Variants in CNTNAP2 observed in about 807,000 individuals in gnomAD.
CNTNAP2 encodes contactin-associated protein-like 2.
A neutral mutation model predicts 155.2 loss-of-function variants in CNTNAP2; 98 were observed. That is an observed-to-expected ratio of 0.63 (90% CI 0.54 to 0.75). The LOEUF is 0.75. CNTNAP2 is among the 30% of genes least tolerant of loss of function. The pLI, the probability that CNTNAP2 is intolerant of heterozygous loss-of-function variation, is 0.00. For synonymous variants in CNTNAP2, 651 were observed against 631.2 expected (o/e 1.03, Z -0.47); for missense variants, 1,727 against 1,688.1 (o/e 1.02, Z -0.40).
chr7:147,891,309 A>G (rs1799689925), intron 13 of CNTNAP2, among the ~76,000 whole-genome samples: 1 of 151,728 alleles, frequency 6.6e-6, no homozygotes, highest in African/African-American at 2.4e-5. Flanking sequence ...GGTTCAAGCG[A>G]TTCTCCTTCC....
At chr7:146,638,476 C>CTTTCT (rs1383622498) in intron 1 of CNTNAP2, among the ~76,000 whole-genome samples, 1,257 of 64,358 alleles carry the variant, frequency 0.02, 58 homozygotes, top group African/African-American at 0.038. Flanking sequence ...TCAGGTGTTT[C>CTTTCT]TTTTTTTTTT....
intron 13 of CNTNAP2, among the ~76,000 whole-genome samples, chr7:147,744,345 C>A (rs112623481): frequency 0.031 from 4,791 of 152,216 alleles, 239 homozygotes; most frequent in African/African-American, 0.11. Context: ...TAAATATCAA[C>A]TTTTCAATTG....
chr7:146,648,935 G>A (rs939525075), intron 1 of CNTNAP2, among the ~76,000 whole-genome samples: 4 of 152,052 alleles, frequency 2.6e-5, no homozygotes, highest in African/African-American at 9.7e-5. Context: ...AAATCTAATT[G>A]TTGGCGGACA....
At chr7:147,136,884 A>G (rs2129286286) in intron 8 of CNTNAP2, among the ~76,000 whole-genome samples, 1 of 152,010 alleles carries the variant, frequency 6.6e-6, no homozygotes, top group Non-Finnish European at 1.5e-5. Flanking sequence ...AATGTCTTAA[A>G]TTCTTGTAAC....
At chr7:147,127,591 G>A (rs1373352856) in intron 6 of CNTNAP2, among the ~76,000 whole-genome samples, 1 of 152,020 alleles carries the variant, frequency 6.6e-6, no homozygotes, top group African/African-American at 2.4e-5. Flanking sequence ...CATCAAACAT[G>A]CTCTGGAAAA....
chr7:146,383,553 A>G (rs1282149173), intron 1 of CNTNAP2, among the ~76,000 whole-genome samples: 1 of 152,308 alleles, frequency 6.6e-6, no homozygotes, highest in South Asian at 2.1e-4. Context: ...GTAGGATATA[A>G]TTTAATATAG....
intron 1 of CNTNAP2, among the ~76,000 whole-genome samples, chr7:146,374,173 T>C (rs1348029453): frequency 4.6e-5 from 7 of 151,998 alleles, no homozygotes; most frequent in South Asian, 2.1e-4. Flanking sequence ...TTTAAAGTTG[T>C]ATATGTGATT....
Position 147,670,649 on chromosome 7 carries a change from C to T in CNTNAP2, c.2098+31343C>T, listed in dbSNP as rs149140118. 9.8e-3 allele frequency among the ~76,000 whole-genome samples: 1,488 copies of T among 152,290 alleles called. 32 individuals are homozygous for T. Among genetic ancestry groups the T allele is most frequent in the African/African-American group, 0.034 (1,421 of 41,562 alleles). The stretch of plus-strand genomic sequence containing the variant: ...AAGAATCTGGCCAGAGATGGCCAGA[C>T]GTCAGGGGAAGATTACCTTCCCATT... On this transcript the variant is annotated intron_variant, in intron 13 of 23. Coordinates refer to ENST00000361727, the MANE Select transcript of CNTNAP2 (RefSeq NM_014141.6).
Position 147,108,133 on chromosome 7 carries a change from T to TG in CNTNAP2, c.551-14_551-13insG. On this transcript the variant is annotated splice_polypyrimidine_tract_variant and intron_variant, in intron 4 of 23. Transcript: ENST00000361727. The stretch of plus-strand genomic sequence containing the variant: ...CATGGCTGAACTAATATGTTATTTT[T>TG]TTTTTTGTTTTAGGGGCTGATGTTA... 6.3e-7 allele frequency: 1 copy of TG among 1,581,772 alleles called. No homozygotes were observed. Among genetic ancestry groups the TG allele is most frequent in the Non-Finnish European group, 8.6e-7 (1 of 1,166,818 alleles).
At chr7:146,531,748 T>A (rs972581679) in intron 1 of CNTNAP2, among the ~76,000 whole-genome samples, 1 of 152,118 alleles carries the variant, frequency 6.6e-6, no homozygotes, top group Non-Finnish European at 1.5e-5. Flanking sequence ...TTTCACCATG[T>A]TGGCCAGGCT....
At chr7:146,745,594 C>G (rs935908858) in intron 1 of CNTNAP2, among the ~76,000 whole-genome samples, 2 of 151,868 alleles carry the variant, frequency 1.3e-5, no homozygotes, top group African/African-American at 4.8e-5. Context: ...TGATGAAACC[C>G]CGTCTCTACT....
chr7:146,458,171 G>A (rs1022943746), intron 1 of CNTNAP2, among the ~76,000 whole-genome samples: 1 of 152,138 alleles, frequency 6.6e-6, no homozygotes, highest in Non-Finnish European at 1.5e-5. Flanking sequence ...AGAGCATCAG[G>A]AAGAATAGCT....
At chr7:148,409,761 A>G (rs1799783786) in intron 23 of CNTNAP2, among the ~76,000 whole-genome samples, 1 of 146,274 alleles carries the variant, frequency 6.8e-6, no homozygotes, top group Admixed American at 6.8e-5. Flanking sequence ...TACTAAAAAT[A>G]CAAAAATTAG....
chr7:146,363,625 G>A (rs1795116426), intron 1 of CNTNAP2, among the ~76,000 whole-genome samples: 1 of 152,138 alleles, frequency 6.6e-6, no homozygotes, highest in Non-Finnish European at 1.5e-5. Flanking sequence ...AAAATCAGAG[G>A]TCAATGCTGC....
intron 13 of CNTNAP2, among the ~76,000 whole-genome samples, chr7:147,642,498 C>T (rs1001262302): frequency 2.0e-5 from 3 of 152,036 alleles, no homozygotes; most frequent in Admixed American, 6.6e-5. Flanking sequence ...CTCTTCCCCT[C>T]GGCCACCGTG....
At chr7:147,401,848 C>T (rs1468641287) in intron 10 of CNTNAP2, among the ~76,000 whole-genome samples, 1 of 152,172 alleles carries the variant, frequency 6.6e-6, no homozygotes, top group African/African-American at 2.4e-5. Context: ...CCTGAAGCCT[C>T]TCCAGCTGTG....
rs375725373 is a variant in CNTNAP2, at chr7:148,390,550, C to CCATACCTATACCAGGATGTTTG, written c.3715+6685_3715+6706dup. On this transcript the variant is annotated intron_variant, in intron 22 of 23. Coordinates refer to ENST00000361727, the MANE Select transcript of CNTNAP2 (RefSeq NM_014141.6). Reference sequence around the variant, plus strand: ...TCTTGGCAAACCAGGGCTACTCAATCCATACCTATACCAGGATGTTTGCAT... The same window carrying CCATACCTATACCAGGATGTTTG: ...TCTTGGCAAACCAGGGCTACTCAATCCATACCTATACCAGGATGTTTGCATACCTATACCAGGATGTTTGCAT... Among the ~76,000 whole-genome samples the CCATACCTATACCAGGATGTTTG allele has an allele frequency of 6.6e-5, 10 of 152,206 alleles. 2 individuals are homozygous for CCATACCTATACCAGGATGTTTG. Among genetic ancestry groups the CCATACCTATACCAGGATGTTTG allele is most frequent in the Middle Eastern group, 6.8e-3 (2 of 294 alleles).
intron 1 of CNTNAP2, among the ~76,000 whole-genome samples, chr7:146,633,579 T>A (rs536841474): frequency 6.6e-6 from 1 of 152,256 alleles, no homozygotes; most frequent in Non-Finnish European, 1.5e-5. Flanking sequence ...GCATGTGAAT[T>A]TTGGTACCTA....
At chr7:148,146,728 C>G (rs1775963310) in intron 16 of CNTNAP2, among the ~76,000 whole-genome samples, 1 of 151,970 alleles carries the variant, frequency 6.6e-6, no homozygotes. Context: ...TGTAGGTCAC[C>G]CTCATTACAC....
Sources: allele counts gnomAD v4.1 joint callset (sites outside exome capture counted in the v4.1 genomes callset), GRCh38; gene constraint gnomAD v4.1.1; transcripts MANE v1.5; gene names NCBI Gene and HGNC (gene_info 2026-07-23, HGNC 2026-07-21).